Variants in CNTN5 observed in about 807,000 individuals in gnomAD.
The protein encoded by CNTN5 is contactin-5.
In CNTN5, 77 loss-of-function variants were observed where a neutral mutation model predicts 129.1. That is an observed-to-expected ratio of 0.60 (90% CI 0.50 to 0.72). The LOEUF (loss-of-function observed/expected upper bound fraction) is 0.72. Among genes scored for constraint, CNTN5 ranks in the 30% least tolerant of loss-of-function variants. The pLI is 0.00. For missense variants in CNTN5, 1,478 were observed against 1,328.8 expected (o/e 1.11, Z -1.75); for synonymous variants, 509 against 465.6 (o/e 1.09, Z -1.20).
intron 3 of CNTN5, among the ~76,000 whole-genome samples, chr11:99,649,878 G>A (rs1182023377): frequency 1.3e-5 from 2 of 151,628 alleles, no homozygotes; most frequent in East Asian, 1.9e-4. Flanking sequence ...AAAATTGTTT[G>A]TATTTTCAAC....
At position 99,508,517 on chromosome 11, in the gene CNTN5, C is replaced by T. The variant is rs77782664; in HGVS notation, c.-70-47628C>T. Among the ~76,000 whole-genome samples, 954 of 152,188 alleles carry T rather than the reference C, an allele frequency of 6.3e-3. 8 individuals are homozygous for T. The highest frequency in any genetic ancestry group is 0.022 in the African/African-American group (897 of 41,506). ...TACCATTTCATACAAGCGACTTGAG[C>T]ATCCACAGCTTTTTGTATCCACAGG... On this transcript the variant is annotated intron_variant, in intron 2 of 24. Coordinates refer to ENST00000524871, the MANE Select transcript of CNTN5 (RefSeq NM_014361.4).
chr11:99,679,637 C>G (rs1168162488), intron 3 of CNTN5, among the ~76,000 whole-genome samples: 1 of 152,146 alleles, frequency 6.6e-6, no homozygotes, highest in East Asian at 1.9e-4. Context: ...CCTTGGCCTT[C>G]CTTATTCCCT....
intron 2 of CNTN5, among the ~76,000 whole-genome samples, chr11:99,429,320 C>T (rs1334711127): frequency 6.6e-6 from 1 of 152,004 alleles, no homozygotes. Flanking sequence ...TAAATACATA[C>T]AGGTATAGAC....
intron 2 of CNTN5, among the ~76,000 whole-genome samples, chr11:99,400,299 C>T (rs964268223): frequency 6.6e-6 from 1 of 152,178 alleles, no homozygotes; most frequent in East Asian, 1.9e-4. Flanking sequence ...CCTGCTATTT[C>T]GCTTAACATA....
At chr11:99,556,063 AT>A (rs1451010341) in intron 2 of CNTN5, 81 bp from the exon 3 acceptor site, 2 of 438,612 alleles carry the variant, frequency 4.6e-6, no homozygotes, top group South Asian at 6.0e-5. Flanking sequence ...TTATTAGGAG[AT>A]TTTTGCATTG....
At chr11:99,869,521 C>T (rs915870108) in intron 6 of CNTN5, among the ~76,000 whole-genome samples, 2 of 152,130 alleles carry the variant, frequency 1.3e-5, no homozygotes, top group African/African-American at 4.8e-5. Context: ...ATGACCTCTT[C>T]AACTATCCAC....
At position 99,053,109 on chromosome 11, in the gene CNTN5, G is replaced by A. The variant is rs750499198; in HGVS notation, c.-210+31839G>A. On this transcript the variant is annotated intron_variant, in intron 1 of 24. Coordinates refer to ENST00000524871, the MANE Select transcript of CNTN5 (RefSeq NM_014361.4). Reference sequence around the variant, plus strand: ...AATGTACAATAATCTTTCTATTTGTGTGACAAAAAGTTTAGGACCAATTTG... The same window carrying A: ...AATGTACAATAATCTTTCTATTTGTATGACAAAAAGTTTAGGACCAATTTG... Among the ~76,000 whole-genome samples the A allele has an allele frequency of 1.1e-4, 16 of 151,750 alleles. 1 individual carries two copies. Among genetic ancestry groups the A allele is most frequent in the Non-Finnish European group, 2.4e-4 (16 of 67,826 alleles).
chr11:99,201,314 G>A (rs1346843011), intron 1 of CNTN5, among the ~76,000 whole-genome samples: 1 of 73,952 alleles, frequency 1.4e-5, no homozygotes, highest in Non-Finnish European at 2.6e-5. Context: ...GTGAGCCACT[G>A]CGCCTGGCCC....
chr11:99,846,852 C>T (rs954798964), intron 6 of CNTN5, among the ~76,000 whole-genome samples: 1 of 151,682 alleles, frequency 6.6e-6, no homozygotes, highest in African/African-American at 2.4e-5. Context: ...AGTAGATTTG[C>T]CTAAGGAATT....
chr11:100,083,710 C>T (rs1235492959), intron 13 of CNTN5, among the ~76,000 whole-genome samples: 1 of 152,020 alleles, frequency 6.6e-6, no homozygotes, highest in African/African-American at 2.4e-5. Flanking sequence ...CATAGTATAA[C>T]GATGATCACA....
chr11:99,368,094 A>C (rs1244730052), intron 2 of CNTN5, among the ~76,000 whole-genome samples: 2 of 152,174 alleles, frequency 1.3e-5, no homozygotes, highest in Non-Finnish European at 2.9e-5. Flanking sequence ...ATGAGACTAC[A>C]ATCCTTGAAA....
chr11:99,656,533 A>C (rs1346750357), intron 3 of CNTN5, among the ~76,000 whole-genome samples: 2 of 152,034 alleles, frequency 1.3e-5, no homozygotes, highest in East Asian at 3.9e-4. Context: ...TGGAAGAAAG[A>C]TAGTTTAGTA....
intron 13 of CNTN5, among the ~76,000 whole-genome samples, chr11:100,150,537 TATTTCAAAA>T (rs1565289838): frequency 6.8e-6 from 1 of 146,030 alleles, no homozygotes; most frequent in Non-Finnish European, 1.5e-5. Flanking sequence ...AATCTATAAA[TATTTCAAAA>T]ACTCTATAAT....
At chr11:99,603,535 TC>T in intron 3 of CNTN5, among the ~76,000 whole-genome samples, 1 of 26,404 alleles carries the variant, frequency 3.8e-5, no homozygotes, top group African/African-American at 1.5e-4. Context: ...CAGGATATTA[TC>T]CAGGAGAACT....
Position 100,174,024 on chromosome 11 carries a change from A to G in CNTN5, c.1581-17102A>G, listed in dbSNP as rs564021015. 2.8e-4 allele frequency among the ~76,000 whole-genome samples: 43 copies of G among 152,244 alleles called. 1 individual carries two copies. The South Asian group carries it at 7.7e-3, about 27-fold the overall frequency. ...GAGAAAGAGAAGAGCAATAAATCAG[A>G]GCTAAGCTTTACCTTTATAACAACT... is the stretch of plus-strand genomic sequence containing the variant. On this transcript the variant is annotated intron_variant, in intron 13 of 24. Transcript: ENST00000524871.
At chr11:99,853,448 G>A (rs1286659064) in intron 6 of CNTN5, among the ~76,000 whole-genome samples, 1 of 151,838 alleles carries the variant, frequency 6.6e-6, no homozygotes, top group Admixed American at 6.6e-5. Flanking sequence ...TACCGAGGCT[G>A]GAGCACAATG....
intron 13 of CNTN5, among the ~76,000 whole-genome samples, chr11:100,112,740 T>C (rs1156450504): frequency 6.6e-6 from 1 of 152,116 alleles, no homozygotes; most frequent in Non-Finnish European, 1.5e-5. Context: ...AATGGCACAA[T>C]TAAGTTTAAA....
At chr11:99,780,579 T>C (rs933916020) in intron 3 of CNTN5, among the ~76,000 whole-genome samples, 2 of 152,060 alleles carry the variant, frequency 1.3e-5, no homozygotes, top group African/African-American at 4.8e-5. Context: ...GATCAGAGTG[T>C]AGTCCAAGAG....
chr11:100,104,094 CTTT>C (rs1040980175), intron 13 of CNTN5, among the ~76,000 whole-genome samples: 10 of 132,100 alleles, frequency 7.6e-5, no homozygotes, highest in Admixed American at 2.3e-4. Flanking sequence ...GAAAACGTCA[CTTT>C]TTTTTTTTTT....
Sources: allele counts gnomAD v4.1 joint callset (sites outside exome capture counted in the v4.1 genomes callset), GRCh38; gene constraint gnomAD v4.1.1; transcripts MANE v1.5; gene names NCBI Gene and HGNC (gene_info 2026-07-23, HGNC 2026-07-21).